PAK1: variants seen among roughly 807,000 people sequenced by gnomAD.
PAK1 encodes the protein p21 (RAC1) activated kinase 1, also known as serine/threonine-protein kinase PAK 1.
Under a neutral mutation model 67.4 loss-of-function variants are expected in PAK1, and 29 were observed. The ratio of observed to expected loss-of-function variants is 0.43; its 90% confidence interval spans 0.32 to 0.59. PAK1 has a LOEUF of 0.59. Among genes scored for constraint, PAK1 ranks in the 20% least tolerant of loss-of-function variants. The pLI is 0.07. For synonymous variants in PAK1, 223 were observed against 237.4 expected (o/e 0.94, Z 0.56); for missense variants, 337 against 670.7 (o/e 0.50, Z 5.50).
chr11:77,450,052 G>A (rs777224890), intron 1 of PAK1, among the ~76,000 whole-genome samples: 2 of 152,128 alleles, frequency 1.3e-5, no homozygotes, highest in Non-Finnish European at 2.9e-5. Flanking sequence ...CCTTTTCTGC[G>A]AAATTGAAGG....
At chr11:77,340,316 T>C (rs528260854) in intron 11 of PAK1, among the ~76,000 whole-genome samples, 103 of 152,308 alleles carry the variant, frequency 6.8e-4, no homozygotes, top group African/African-American at 2.5e-3. Flanking sequence ...TTGAAATATA[T>C]GCCCAGATAA....
chr11:77,342,076 A>C (rs1339246763), intron 10 of PAK1, among the ~76,000 whole-genome samples: 1 of 152,194 alleles, frequency 6.6e-6, no homozygotes, highest in Non-Finnish European at 1.5e-5. Context: ...GGCCTTTGGA[A>C]GGTGATTACA....
chr11:77,399,919 A>T (rs896039490), intron 1 of PAK1, among the ~76,000 whole-genome samples: 5 of 151,330 alleles, frequency 3.3e-5, no homozygotes, highest in African/African-American at 9.7e-5. Context: ...AACATAATAT[A>T]CATGTCAATA....
At chr11:77,330,891 C>G (rs1316267597) in intron 14 of PAK1, among the ~76,000 whole-genome samples, 1 of 152,168 alleles carries the variant, frequency 6.6e-6, no homozygotes, top group Non-Finnish European at 1.5e-5. Flanking sequence ...ACTCATCTGA[C>G]AAAGGGCTAA....
chr11:77,404,307 G>A (rs1016123400), intron 1 of PAK1, among the ~76,000 whole-genome samples: 10 of 149,362 alleles, frequency 6.7e-5, no homozygotes, highest in Non-Finnish European at 1.3e-4. Context: ...TCACCCTGTC[G>A]CCCAGGCTGG....
At chr11:77,459,576 G>A (rs1957225982) in intron 1 of PAK1, among the ~76,000 whole-genome samples, 2 of 152,050 alleles carry the variant, frequency 1.3e-5, no homozygotes, top group South Asian at 4.1e-4. Context: ...CCATGGAGTT[G>A]AAAGTCTAGA....
chr11:77,460,119 G>T (rs1483056337), intron 1 of PAK1, among the ~76,000 whole-genome samples: 2 of 149,556 alleles, frequency 1.3e-5, no homozygotes, highest in Non-Finnish European at 3.0e-5. Flanking sequence ...AGGTGTGAAG[G>T]CCCTGAGGAG....
chr11:77,397,563 T>A (rs1265631980), intron 1 of PAK1, among the ~76,000 whole-genome samples: 1 of 152,188 alleles, frequency 6.6e-6, no homozygotes, highest in African/African-American at 2.4e-5. Flanking sequence ...GGCATAAAGA[T>A]ACAGTGCTAC....
At chr11:77,456,677 AC>A (rs1957092456) in intron 1 of PAK1, among the ~76,000 whole-genome samples, 1 of 152,218 alleles carries the variant, frequency 6.6e-6, no homozygotes, top group Non-Finnish European at 1.5e-5. Flanking sequence ...TAAGTGCTTT[AC>A]AACTACTACC....
intron 1 of PAK1, among the ~76,000 whole-genome samples, chr11:77,423,333 A>T (rs1301697945): frequency 1.7e-5 from 2 of 114,930 alleles, no homozygotes; most frequent in Non-Finnish European, 3.3e-5. Context: ...CAAGTTCTTT[A>T]AAAAAAAAAA....
intron 13 of PAK1, among the ~76,000 whole-genome samples, chr11:77,334,968 G>T (rs893853023): frequency 6.6e-6 from 1 of 152,118 alleles, no homozygotes; most frequent in African/African-American, 2.4e-5. Context: ...CAAATCCAAT[G>T]TTCATTTCTC....
At chr11:77,501,457 C>T in the PAK1 span, among the ~76,000 whole-genome samples, 1 of 152,124 alleles carries the variant, frequency 6.6e-6, no homozygotes, top group African/African-American at 2.4e-5. Context: ...GAATTCGACC[C>T]CTCTTCTCGG....
At chr11:77,344,751 C>T (rs929174658) in intron 9 of PAK1, among the ~76,000 whole-genome samples, 1 of 152,194 alleles carries the variant, frequency 6.6e-6, no homozygotes, top group African/African-American at 2.4e-5. Flanking sequence ...TCAAGTTATC[C>T]TGTACATGTA....
the PAK1 span, among the ~76,000 whole-genome samples, chr11:77,518,659 G>T: frequency 1.3e-5 from 2 of 152,184 alleles, no homozygotes; most frequent in African/African-American, 4.8e-5. Flanking sequence ...CTTCCACCCT[G>T]GATCTCATCA....
intron 1 of PAK1, among the ~76,000 whole-genome samples, chr11:77,401,053 A>G (rs988978596): frequency 2.6e-5 from 4 of 152,194 alleles, no homozygotes; most frequent in Non-Finnish European, 4.4e-5. Flanking sequence ...GATAACCTCT[A>G]ATATTAACTC....
At chr11:77,401,600 A>T (rs112209079) in intron 1 of PAK1, among the ~76,000 whole-genome samples, 4,890 of 152,196 alleles carry the variant, frequency 0.032, 133 homozygotes, top group African/African-American at 0.074. Flanking sequence ...TTCCCTAAAC[A>T]TGTCATTCCA....
intron 2 of PAK1, among the ~76,000 whole-genome samples, chr11:77,382,070 T>C (rs1017495489): frequency 4.6e-5 from 7 of 152,206 alleles, no homozygotes; most frequent in African/African-American, 1.7e-4. Flanking sequence ...GAAGTACAAT[T>C]ATATTTGTGT....
At chr11:77,415,630 T>C (rs1405370285) in intron 1 of PAK1, among the ~76,000 whole-genome samples, 1 of 151,116 alleles carries the variant, frequency 6.6e-6, no homozygotes, top group Non-Finnish European at 1.5e-5. Context: ...AAAAAAACAG[T>C]ACATATGTAA....
chr11:77,397,753 A>C (rs1952027386), intron 1 of PAK1, among the ~76,000 whole-genome samples: 1 of 152,212 alleles, frequency 6.6e-6, no homozygotes, highest in African/African-American at 2.4e-5. Flanking sequence ...AAGTTAATCA[A>C]CTATTTTAAG....
Sources: gnomAD v4.1 joint callset for allele counts (sites outside exome capture counted in the v4.1 genomes callset) on GRCh38, gnomAD v4.1.1 for gene constraint, MANE v1.5 for transcripts, NCBI Gene and HGNC (gene_info 2026-07-23, HGNC 2026-07-21) for gene names.